CNTN4: variants seen among roughly 807,000 people sequenced by gnomAD.
CNTN4 encodes the protein contactin 4, also known as contactin-4.
A neutral mutation model predicts 122.5 loss-of-function variants in CNTN4; 77 were observed. That is an observed-to-expected ratio of 0.63 (90% confidence interval 0.52 to 0.76). CNTN4 has a LOEUF of 0.76. Ranked by LOEUF, CNTN4 falls within the 30% of genes least tolerant of loss-of-function variation. The probability of loss-of-function intolerance (pLI) is 0.00; values close to 1 mark genes in which losing one functional copy is unlikely to be tolerated. For missense variants in CNTN4, 1,256 were observed against 1,259.1 expected, an observed-to-expected ratio of 1.00 and a Z score of 0.04; for synonymous variants, 512 against 447.0, an observed-to-expected ratio of 1.15 and a Z score of -1.83.
intron 14 of CNTN4, among the ~76,000 whole-genome samples, chr3:3,024,007 T>C (rs1457607185): frequency 6.6e-6 from 1 of 152,180 alleles, no homozygotes; most frequent in East Asian, 1.9e-4. Flanking sequence ...TAGGAATAAA[T>C]GAAATAATCC....
chr3:2,676,307 C>T (rs767678994), intron 4 of CNTN4, among the ~76,000 whole-genome samples: 12 of 151,950 alleles, frequency 7.9e-5, no homozygotes, highest in Admixed American at 2.0e-4. Flanking sequence ...CTGCGACCTC[C>T]GCCTCCTGGG....
At chr3:2,589,087 A>T (rs1025045120) in intron 4 of CNTN4, among the ~76,000 whole-genome samples, 1 of 152,178 alleles carries the variant, frequency 6.6e-6, no homozygotes, top group Admixed American at 6.5e-5. Flanking sequence ...CCCATCCATA[A>T]TAGCATGCAA....
At chr3:2,305,120 C>G (rs899688370) in intron 2 of CNTN4, among the ~76,000 whole-genome samples, 1 of 151,982 alleles carries the variant, frequency 6.6e-6, no homozygotes, top group African/African-American at 2.4e-5. Context: ...CAATTGTTTT[C>G]AAATGTTGAC....
chr3:2,553,188 A>G (rs1009561862), intron 3 of CNTN4, among the ~76,000 whole-genome samples: 13 of 152,198 alleles, frequency 8.5e-5, no homozygotes, highest in Admixed American at 7.2e-4. Context: ...TTTAAAGAGA[A>G]GAATCATCCT....
intron 2 of CNTN4, among the ~76,000 whole-genome samples, chr3:2,140,189 T>A (rs1297590442): frequency 6.6e-6 from 1 of 152,184 alleles, no homozygotes; most frequent in African/African-American, 2.4e-5. Flanking sequence ...TTTTTCTTTA[T>A]AAATTACCCA....
chr3:2,135,671 G>A (rs2034657609), intron 2 of CNTN4, among the ~76,000 whole-genome samples: 2 of 151,578 alleles, frequency 1.3e-5, no homozygotes, highest in South Asian at 4.1e-4. Flanking sequence ...GCTGGTCAAT[G>A]CAGATGAAGG....
At chr3:2,456,049 A>G (rs555260984) in intron 3 of CNTN4, among the ~76,000 whole-genome samples, 1 of 152,252 alleles carries the variant, frequency 6.6e-6, no homozygotes, top group African/African-American at 2.4e-5. Flanking sequence ...ATAGGCATTT[A>G]TAATCTCTGT....
At chr3:3,013,606 T>C (rs1050224577) in intron 14 of CNTN4, among the ~76,000 whole-genome samples, 1 of 152,024 alleles carries the variant, frequency 6.6e-6, no homozygotes, top group African/African-American at 2.4e-5. Flanking sequence ...CCCTCCGGGA[T>C]TGTAAAAAGT....
intron 7 of CNTN4, among the ~76,000 whole-genome samples, chr3:2,859,183 T>C (rs1332554861): frequency 4.6e-5 from 7 of 152,218 alleles, no homozygotes; most frequent in Admixed American, 2.0e-4. Flanking sequence ...CCTGGCTTAT[T>C]TCACTTTGCA....
At chr3:2,146,250 T>C (rs2035243596) in intron 2 of CNTN4, among the ~76,000 whole-genome samples, 1 of 151,494 alleles carries the variant, frequency 6.6e-6, no homozygotes, top group African/African-American at 2.4e-5. Context: ...CATCATATGC[T>C]AAACCTAGAG....
At chr3:2,530,689 T>C (rs534068358) in intron 3 of CNTN4, among the ~76,000 whole-genome samples, 9 of 152,274 alleles carry the variant, frequency 5.9e-5, no homozygotes, top group Non-Finnish European at 1.0e-4. Context: ...GTTAGCATTG[T>C]CTTTTAGGTG....
At chr3:2,462,624 G>C (rs2049270173) in intron 3 of CNTN4, among the ~76,000 whole-genome samples, 1 of 151,970 alleles carries the variant, frequency 6.6e-6, no homozygotes, top group African/African-American at 2.4e-5. Context: ...TTACAGTCTG[G>C]GCAGCAAGTT....
chr3:2,452,427 T>C (rs945799592), intron 3 of CNTN4, among the ~76,000 whole-genome samples: 4 of 152,172 alleles, frequency 2.6e-5, no homozygotes, highest in Non-Finnish European at 5.9e-5. Flanking sequence ...TTCTGGTGGC[T>C]TTAGAGAGAG....
At chr3:2,746,914 C>A (rs2089800530) in intron 6 of CNTN4, among the ~76,000 whole-genome samples, 1 of 152,140 alleles carries the variant, frequency 6.6e-6, no homozygotes, top group Non-Finnish European at 1.5e-5. Flanking sequence ...TGGTTTAATA[C>A]AAGTCTTGTA....
intron 4 of CNTN4, among the ~76,000 whole-genome samples, chr3:2,607,050 C>T (rs1005730019): frequency 1.3e-5 from 2 of 151,982 alleles, no homozygotes; most frequent in Non-Finnish European, 2.9e-5. Context: ...CACATTTAAT[C>T]TTCTTTCTTG....
At chr3:2,488,584 G>T (rs1423164597) in intron 3 of CNTN4, among the ~76,000 whole-genome samples, 1 of 152,042 alleles carries the variant, frequency 6.6e-6, no homozygotes, top group Non-Finnish European at 1.5e-5. Flanking sequence ...CATTTGTTTT[G>T]ATTAATCTTT....
chr3:2,674,893 A>G (rs1450489187), intron 4 of CNTN4, among the ~76,000 whole-genome samples: 10 of 152,090 alleles, frequency 6.6e-5, no homozygotes, highest in Admixed American at 4.6e-4. Flanking sequence ...CTGCCCCTAT[A>G]GTTCCCAGCC....
At chr3:2,266,013 C>G (rs1479926889) in intron 2 of CNTN4, among the ~76,000 whole-genome samples, 2 of 152,008 alleles carry the variant, frequency 1.3e-5, no homozygotes, top group Non-Finnish European at 2.9e-5. Context: ...CATCTGAAAA[C>G]AAGAATAATT....
At chr3:2,525,367 A>G (rs1398694595) in intron 3 of CNTN4, among the ~76,000 whole-genome samples, 2 of 152,208 alleles carry the variant, frequency 1.3e-5, no homozygotes, top group Non-Finnish European at 2.9e-5. Context: ...GACCTGAATC[A>G]TAAAAGGTAT....
Sources: gnomAD v4.1 joint callset for allele counts (sites outside exome capture counted in the v4.1 genomes callset) on GRCh38, gnomAD v4.1.1 for gene constraint, MANE v1.5 for transcripts, NCBI Gene and HGNC (gene_info 2026-07-23, HGNC 2026-07-21) for gene names.